KCNH5: variants seen among roughly 807,000 people sequenced by gnomAD.
KCNH5 encodes voltage-gated delayed rectifier potassium channel KCNH5.
Under a neutral mutation model 96.1 loss-of-function variants are expected in KCNH5, and 46 were observed. The observed-to-expected ratio is 0.48, with a 90% CI of 0.38 to 0.61. The LOEUF is 0.61. KCNH5 is among the 20% of genes least tolerant of loss of function. The probability of loss-of-function intolerance (pLI) is 0.00; values close to 1 mark genes in which losing one functional copy is unlikely to be tolerated. For synonymous variants in KCNH5, 439 were observed against 449.8 expected (o/e 0.98, Z 0.30); for missense variants, 907 against 1,225.8 (o/e 0.74, Z 3.88).
intron 7 of KCNH5, among the ~76,000 whole-genome samples, chr14:62,911,190 T>C (rs1889145827): frequency 1.3e-5 from 2 of 152,018 alleles, no homozygotes; most frequent in South Asian, 4.1e-4. Flanking sequence ...AGGTATACCA[T>C]GTGCATGGAG....
intron 9 of KCNH5, among the ~76,000 whole-genome samples, chr14:62,782,293 A>G (rs1227916397): frequency 2.0e-5 from 3 of 152,168 alleles, no homozygotes; most frequent in Non-Finnish European, 4.4e-5. Flanking sequence ...CAAGCTTAAG[A>G]GGCACTTCAG....
At chr14:62,920,494 C>T (rs1889359595) in intron 7 of KCNH5, among the ~76,000 whole-genome samples, 1 of 152,038 alleles carries the variant, frequency 6.6e-6, no homozygotes, top group Admixed American at 6.6e-5. Flanking sequence ...AAAACCCTCA[C>T]ATAACCTCCA....
chr14:62,988,842 T>C (rs908059234), intron 4 of KCNH5, among the ~76,000 whole-genome samples: 1 of 152,044 alleles, frequency 6.6e-6, no homozygotes, highest in Non-Finnish European at 1.5e-5. Context: ...CTTTTCTTAC[T>C]ACAGTATTCT....
intron 8 of KCNH5, among the ~76,000 whole-genome samples, chr14:62,831,922 A>C (rs1887359447): frequency 6.6e-6 from 1 of 152,006 alleles, no homozygotes; most frequent in African/African-American, 2.4e-5. Flanking sequence ...TATGTTACCC[A>C]GGGTGGTCTT....
At chr14:62,793,130 G>A (rs1286541722) in intron 9 of KCNH5, among the ~76,000 whole-genome samples, 1 of 151,738 alleles carries the variant, frequency 6.6e-6, no homozygotes, top group East Asian at 1.9e-4. Context: ...AATAGTGGCT[G>A]TCAGGGCTTG....
At chr14:62,871,628 T>C (rs561540823) in intron 7 of KCNH5, among the ~76,000 whole-genome samples, 23 of 152,216 alleles carry the variant, frequency 1.5e-4, no homozygotes, top group African/African-American at 5.1e-4. Flanking sequence ...TTCTGGGGAA[T>C]GAGGAATTGA....
intron 10 of KCNH5, among the ~76,000 whole-genome samples, chr14:62,733,096 T>C (rs2139926402): frequency 6.6e-6 from 1 of 152,218 alleles, no homozygotes; most frequent in Middle Eastern, 3.4e-3. Context: ...AGTAAGCCTG[T>C]TTTTTAGCCA....
intron 7 of KCNH5, among the ~76,000 whole-genome samples, chr14:62,887,310 A>T (rs1046117436): frequency 4.6e-5 from 7 of 152,188 alleles, no homozygotes; most frequent in African/African-American, 1.7e-4. Context: ...CATTAGTTAG[A>T]TATTCTGGTA....
At chr14:62,816,363 AACTG>A (rs964847231) in intron 8 of KCNH5, among the ~76,000 whole-genome samples, 1 of 152,108 alleles carries the variant, frequency 6.6e-6, no homozygotes, top group South Asian at 2.1e-4. Flanking sequence ...TGTATGTGTA[AACTG>A]ACTATGTAAA....
intron 7 of KCNH5, among the ~76,000 whole-genome samples, chr14:62,925,273 C>A (rs1889452994): frequency 6.6e-6 from 1 of 151,968 alleles, no homozygotes; most frequent in Admixed American, 6.6e-5. Flanking sequence ...CCCACTTCAA[C>A]ACTAATTAAA....
chr14:62,762,117 C>A (rs990897159), intron 10 of KCNH5, among the ~76,000 whole-genome samples: 2 of 152,090 alleles, frequency 1.3e-5, no homozygotes, highest in East Asian at 1.9e-4. Flanking sequence ...AGGGACAGAA[C>A]ACTAGCCTGA....
At chr14:62,963,872 C>T (rs1186921409) in intron 6 of KCNH5, among the ~76,000 whole-genome samples, 1 of 152,082 alleles carries the variant, frequency 6.6e-6, no homozygotes, top group Non-Finnish European at 1.5e-5. Context: ...TGGTGGGAAA[C>T]TCAACTAAAG....
At chr14:63,026,755 G>A (rs1891531494) in intron 1 of KCNH5, among the ~76,000 whole-genome samples, 1 of 151,994 alleles carries the variant, frequency 6.6e-6, no homozygotes, top group African/African-American at 2.4e-5. Flanking sequence ...CTGCTGGTAG[G>A]AATATAAATT....
intron 7 of KCNH5, among the ~76,000 whole-genome samples, chr14:62,866,993 TTA>T (rs1439247993): frequency 6.6e-6 from 1 of 152,182 alleles, no homozygotes; most frequent in Non-Finnish European, 1.5e-5. Flanking sequence ...CAACTTTTAC[TTA>T]TAGTTCTGTA....
chr14:62,845,250 C>T (rs1956014), intron 8 of KCNH5, among the ~76,000 whole-genome samples: 102,529 of 152,014 alleles, frequency 0.67, 35,858 homozygotes, highest in East Asian at 0.87. Flanking sequence ...ATTCAGATAC[C>T]GTTTATTAAA....
chr14:62,808,651 A>G lies in KCNH5; in HGVS notation c.1570-6070T>C, dbSNP rs1484388704. 2.0e-5 allele frequency among the ~76,000 whole-genome samples: 3 copies of G among 152,088 alleles called. No homozygotes were observed. In the East Asian group the frequency reaches 5.8e-4, roughly 29 times the overall value. ...TGGTGTTTTGCTTTCTTTGGACTGT[A>G]TTTGCATAAATATGTTACTGGTATA... On this transcript the variant is annotated intron_variant, in intron 8 of 10. Coordinates refer to ENST00000322893, the MANE Select transcript of KCNH5 (RefSeq NM_139318.5).
intron 10 of KCNH5, among the ~76,000 whole-genome samples, chr14:62,779,163 T>C (rs12435061): frequency 0.63 from 96,020 of 152,096 alleles, 30,625 homozygotes; most frequent in South Asian, 0.83. Context: ...TCACACTCAT[T>C]GGCTACAAAA....
intron 10 of KCNH5, among the ~76,000 whole-genome samples, chr14:62,744,042 G>C (rs1424407270): frequency 6.6e-6 from 1 of 152,140 alleles, no homozygotes; most frequent in Non-Finnish European, 1.5e-5. Flanking sequence ...AGAAAAGTAA[G>C]AGTATTGAAA....
chr14:63,011,448 A>C (rs1804607167), intron 2 of KCNH5, among the ~76,000 whole-genome samples: 1 of 151,602 alleles, frequency 6.6e-6, no homozygotes, highest in Admixed American at 6.6e-5. Context: ...TTTGTAGTCC[A>C]GCCTGGGCAA....
Sources: allele counts gnomAD v4.1 joint callset (sites outside exome capture counted in the v4.1 genomes callset), GRCh38; gene constraint gnomAD v4.1.1; transcripts MANE v1.5; gene names NCBI Gene and HGNC (gene_info 2026-07-23, HGNC 2026-07-21).